The following RPS6KC1 variants were observed in gnomAD, a reference collection of about 807,000 sequenced individuals.
RPS6KC1 encodes the protein inactive ribosomal protein S6 kinase delta-1.
A neutral mutation model predicts 103.8 loss-of-function variants in RPS6KC1; 54 were observed. That is an observed-to-expected ratio of 0.52 (90% CI 0.42 to 0.65). The LOEUF (loss-of-function observed/expected upper bound fraction) is 0.65. RPS6KC1 is among the 30% of genes least tolerant of loss of function. RPS6KC1 has a pLI of 0.00. For synonymous variants in RPS6KC1, 439 were observed against 438.7 expected, an observed-to-expected ratio of 1.00 and a Z score of -0.01; for missense variants, 1,151 against 1,253.8, an observed-to-expected ratio of 0.92 and a Z score of 1.24.
At chr1:213,069,461 G>A (rs1044644718) in intron 1 of RPS6KC1, among the ~76,000 whole-genome samples, 4 of 152,142 alleles carry the variant, frequency 2.6e-5, no homozygotes, top group Non-Finnish European at 4.4e-5. Flanking sequence ...TATTATCTCC[G>A]TTTTATCGAT....
At chr1:213,712,538 T>C in the RPS6KC1 span, among the ~76,000 whole-genome samples, 2 of 152,158 alleles carry the variant, frequency 1.3e-5, no homozygotes, top group African/African-American at 4.8e-5. Context: ...CTGTCTTGCT[T>C]GCGTTCCAGG....
intron 8 of RPS6KC1, among the ~76,000 whole-genome samples, chr1:213,179,859 A>G (rs759083571): frequency 1.4e-4 from 21 of 152,180 alleles, no homozygotes; most frequent in Non-Finnish European, 7.4e-5. Context: ...TTGGCACATA[A>G]TGGGTGCTCA....
At chr1:213,857,839 G>C in the RPS6KC1 span, among the ~76,000 whole-genome samples, 1 of 152,164 alleles carries the variant, frequency 6.6e-6, no homozygotes, top group Admixed American at 6.5e-5. Flanking sequence ...CCTCCTCGGT[G>C]ATGTCCAGCC....
At chr1:213,431,953 C>G in the RPS6KC1 span, among the ~76,000 whole-genome samples, 17 of 152,226 alleles carry the variant, frequency 1.1e-4, no homozygotes, top group African/African-American at 3.6e-4. Context: ...GCTCCACACC[C>G]TCACTAGCAT....
the RPS6KC1 span, among the ~76,000 whole-genome samples, chr1:213,605,058 C>T: frequency 3.9e-5 from 6 of 152,270 alleles, no homozygotes; most frequent in African/African-American, 1.4e-4. Flanking sequence ...CCTTCTCATC[C>T]TTCAGGTCTT....
At chr1:213,624,939 T>C in the RPS6KC1 span, among the ~76,000 whole-genome samples, 2 of 152,144 alleles carry the variant, frequency 1.3e-5, no homozygotes, top group Admixed American at 1.3e-4. Flanking sequence ...GTCTATAGCA[T>C]AGATTAAGCA....
the RPS6KC1 span, among the ~76,000 whole-genome samples, chr1:213,834,728 A>C: frequency 2.3e-4 from 35 of 149,252 alleles, no homozygotes; most frequent in South Asian, 6.5e-4. Context: ...ACACACACAC[A>C]CCCCAAAATG....
the RPS6KC1 span, among the ~76,000 whole-genome samples, chr1:213,334,896 A>G: frequency 6.6e-6 from 1 of 152,120 alleles, no homozygotes; most frequent in Non-Finnish European, 1.5e-5. Flanking sequence ...CTCTTTCTAT[A>G]TATGGTAACA....
the RPS6KC1 span, among the ~76,000 whole-genome samples, chr1:213,368,516 G>A: frequency 6.6e-6 from 1 of 152,206 alleles, no homozygotes; most frequent in African/African-American, 2.4e-5. Flanking sequence ...TTGACTTAGG[G>A]GAGGAGATGG....
the RPS6KC1 span, among the ~76,000 whole-genome samples, chr1:213,640,707 T>C: frequency 6.6e-6 from 1 of 151,960 alleles, no homozygotes; most frequent in Non-Finnish European, 1.5e-5. Flanking sequence ...GCTACCTTTC[T>C]TTTATTGATT....
At chr1:213,793,495 C>T in the RPS6KC1 span, among the ~76,000 whole-genome samples, 3 of 152,180 alleles carry the variant, frequency 2.0e-5, no homozygotes, top group Admixed American at 6.5e-5. Flanking sequence ...AATGTAATCC[C>T]TTAAAACAGG....
chr1:213,822,297 T>TAACA, the RPS6KC1 span: 1 of 152,212 alleles, frequency 6.6e-6, no homozygotes, highest in Non-Finnish European at 1.5e-5. Context: ...TCCTAATCTC[T>TAACA]AACAGTTTGA....
At chr1:213,747,301 AT>A in the RPS6KC1 span, among the ~76,000 whole-genome samples, 2 of 152,266 alleles carry the variant, frequency 1.3e-5, no homozygotes, top group African/African-American at 4.8e-5. Flanking sequence ...AGATAATATT[AT>A]TGTTTTTAGC....
chr1:213,157,762 C>T lies in RPS6KC1; in HGVS notation c.836-10096C>T, dbSNP rs575302442. The stretch of plus-strand genomic sequence containing the variant: ...CTGATTTTCTGTCTCTTTGTTCTAG[C>T]GATTATTGAGACATATCTGATGAAT... On this transcript the variant is annotated intron_variant, in intron 6 of 14. Transcript: ENST00000366960. Among the ~76,000 whole-genome samples the T allele has an allele frequency of 1.1e-4, 16 of 152,142 alleles. No homozygotes were observed. The South Asian group carries it at 1.9e-3, about 18-fold the overall frequency.
the RPS6KC1 span, among the ~76,000 whole-genome samples, chr1:213,566,179 G>A: frequency 6.6e-6 from 1 of 152,062 alleles, no homozygotes; most frequent in Non-Finnish European, 1.5e-5. Context: ...TTATACAAGT[G>A]TTCACTATGA....
the RPS6KC1 span, among the ~76,000 whole-genome samples, chr1:213,462,892 A>G: frequency 1.3e-5 from 2 of 152,134 alleles, no homozygotes; most frequent in African/African-American, 4.8e-5. Context: ...CCAGAACTTA[A>G]AGTATAATTA....
chr1:213,811,667 TA>T, the RPS6KC1 span, among the ~76,000 whole-genome samples: 1 of 152,180 alleles, frequency 6.6e-6, no homozygotes, highest in South Asian at 2.1e-4. Context: ...AGGGGCAGCA[TA>T]AAAAATTCTG....
rs532366421 is a variant in RPS6KC1 at position 213,052,282 on chromosome 1, T to C, written c.105+773T>C. Among the ~76,000 whole-genome samples, 7 of 152,326 alleles carry C rather than the reference T, an allele frequency of 4.6e-5. No homozygotes were observed. The South Asian group carries it at 1.5e-3, about 32-fold the overall frequency. The stretch of plus-strand genomic sequence containing the variant: ...GTATGTGTGCATGAATATATGTGTA[T>C]AGTAGGCATTTTATGCACATCACCC... On this transcript the variant is annotated intron_variant, in intron 1 of 14. Transcript: ENST00000366960.
At chr1:213,709,328 T>G in the RPS6KC1 span, among the ~76,000 whole-genome samples, 1 of 152,218 alleles carries the variant, frequency 6.6e-6, no homozygotes, top group Admixed American at 6.5e-5. Context: ...ATTTTCTAGT[T>G]CAGTTGCATA....
Sources: gnomAD v4.1 joint callset for allele counts (sites outside exome capture counted in the v4.1 genomes callset) on GRCh38, gnomAD v4.1.1 for gene constraint, MANE v1.5 for transcripts, NCBI Gene and HGNC (gene_info 2026-07-23, HGNC 2026-07-21) for gene names.